The following SRGAP1 variants were observed in gnomAD, a reference collection of about 807,000 sequenced individuals.
SRGAP1 encodes SLIT-ROBO Rho GTPase activating protein 1.
Under a neutral mutation model 121.9 loss-of-function variants are expected in SRGAP1, and 43 were observed. The observed-to-expected ratio is 0.35, with a 90% confidence interval of 0.28 to 0.46. SRGAP1 has a LOEUF of 0.46. Among genes scored for constraint, SRGAP1 ranks in the 20% least tolerant of loss-of-function variants. The pLI is 1.00. For synonymous variants in SRGAP1, 447 were observed against 485.4 expected (o/e 0.92, Z 1.04); for missense variants, 1,102 against 1,350.9 (o/e 0.82, Z 2.89).
At chr12:63,933,585 A>G (rs2136341268) in intron 1 of SRGAP1, among the ~76,000 whole-genome samples, 1 of 152,326 alleles carries the variant, frequency 6.6e-6, no homozygotes, top group Admixed American at 6.5e-5. Context: ...ATCATATCTA[A>G]TAAATGCTAT....
At chr12:63,942,547 T>G (rs537848326) in intron 1 of SRGAP1, among the ~76,000 whole-genome samples, 84 of 152,304 alleles carry the variant, frequency 5.5e-4, no homozygotes, top group African/African-American at 1.8e-3. Flanking sequence ...GCCCAGGGAT[T>G]CTGTGGGGTG....
intron 4 of SRGAP1, among the ~76,000 whole-genome samples, chr12:64,038,380 T>A (rs1173057150): frequency 8.5e-5 from 13 of 152,106 alleles, no homozygotes; most frequent in African/African-American, 3.1e-4. Context: ...ATGACGACCT[T>A]GTAAAGTAAT....
chr12:63,990,230 C>T (rs777862998), intron 3 of SRGAP1, among the ~76,000 whole-genome samples, 158 bp downstream of exon 3: 6 of 152,050 alleles, frequency 3.9e-5, no homozygotes, highest in South Asian at 2.1e-4. Context: ...TTTAAAGACA[C>T]GGAATAAAGA....
At chr12:63,979,770 A>T (rs1411568877) in intron 1 of SRGAP1, among the ~76,000 whole-genome samples, 2 of 152,224 alleles carry the variant, frequency 1.3e-5, no homozygotes, top group African/African-American at 4.8e-5. Flanking sequence ...TCTAAAAAAA[A>T]TGATTCAGGT....
intron 3 of SRGAP1, among the ~76,000 whole-genome samples, chr12:63,994,499 G>A (rs2033638576): frequency 6.6e-6 from 1 of 152,146 alleles, no homozygotes; most frequent in Non-Finnish European, 1.5e-5. Flanking sequence ...GAGTATCCAA[G>A]TGAATGCACA....
At chr12:63,910,947 G>T (rs1281407083) in intron 1 of SRGAP1, among the ~76,000 whole-genome samples, 2 of 152,040 alleles carry the variant, frequency 1.3e-5, no homozygotes, top group African/African-American at 4.8e-5. Context: ...GAATAGAGGA[G>T]AAAGGAATAG....
chr12:63,958,848 G>A lies in SRGAP1; in HGVS notation c.68-25099G>A, dbSNP rs140925097. ...TATATTTAAACTCTAATTTTCCCTC[G>A]GTGTTCTTTTTCTGCCTTTGATTAA... is the stretch of plus-strand genomic sequence containing the variant. On this transcript the variant is annotated intron_variant, in intron 1 of 21. Transcript: ENST00000355086. 5.6e-3 allele frequency among the ~76,000 whole-genome samples: 847 copies of A among 152,184 alleles called. 9 individuals are homozygous for A. The highest frequency in any genetic ancestry group is 0.019 in the African/African-American group (787 of 41,492).
chr12:64,086,653 A>G (rs2035944782), intron 10 of SRGAP1, among the ~76,000 whole-genome samples: 1 of 149,078 alleles, frequency 6.7e-6, no homozygotes, highest in Admixed American at 6.8e-5. Context: ...TAAATCTTGG[A>G]TATGTCTTAT....
intron 18 of SRGAP1, 102 bp downstream of exon 18, chr12:64,115,995 C>G: frequency 9.0e-7 from 1 of 1,115,592 alleles, no homozygotes; most frequent in Non-Finnish European, 1.3e-6. Flanking sequence ...TGGCTCCTAC[C>G]TATAATCCCA....
intron 6 of SRGAP1, 169 bp downstream of exon 6, chr12:64,043,744 TG>T: frequency 2.0e-6 from 1 of 492,008 alleles, no homozygotes; most frequent in Non-Finnish European, 3.5e-6. Context: ...CACTATCATC[TG>T]TAAGATGCAT....
At chr12:63,882,800 T>G (rs565986026) in intron 1 of SRGAP1, among the ~76,000 whole-genome samples, 13 of 152,120 alleles carry the variant, frequency 8.5e-5, no homozygotes, top group Non-Finnish European at 1.9e-4. Flanking sequence ...GCAAACAGAG[T>G]CTCTTGGTTT....
chr12:63,852,194 G>A (rs1899098720), intron 1 of SRGAP1, among the ~76,000 whole-genome samples: 2 of 151,984 alleles, frequency 1.3e-5, no homozygotes, highest in African/African-American at 4.8e-5. Context: ...TGGCCATGTT[G>A]CCCAGGCTGG....
chr12:63,985,705 G>A (rs2033395262), intron 2 of SRGAP1, among the ~76,000 whole-genome samples: 1 of 152,274 alleles, frequency 6.6e-6, no homozygotes, highest in African/African-American at 2.4e-5. Flanking sequence ...GAGAAGATAA[G>A]GTCTGTGCCA....
intron 1 of SRGAP1, among the ~76,000 whole-genome samples, chr12:63,890,499 A>G (rs1900542730): frequency 6.6e-6 from 1 of 152,242 alleles, no homozygotes; most frequent in Non-Finnish European, 1.5e-5. Context: ...GTGGGAAGCT[A>G]GAAAAGCAGC....
At chr12:63,849,010 C>G (rs930311443) in intron 1 of SRGAP1, among the ~76,000 whole-genome samples, 2 of 152,104 alleles carry the variant, frequency 1.3e-5, no homozygotes, top group Admixed American at 1.3e-4. Context: ...AGTGGTTAAA[C>G]AGTGGATAGG....
Position 64,111,913 on chromosome 12 carries a change from G to A in SRGAP1, c.2071G>A (p.Glu691Lys). 1 of 1,614,044 alleles carries A rather than the reference G, an allele frequency of 6.2e-7. No individual in the cohort carries two copies. The highest frequency in any genetic ancestry group is 8.5e-7 in the Non-Finnish European group (1 of 1,179,988). Residue 691 changes from glutamate (E) to lysine (K), a missense_variant, in exon 17 of 22, where the codon GAG becomes AAG. Physicochemically the swap from Glu to Lys is moderately conservative, Grantham distance 56. Coordinates refer to ENST00000355086, the MANE Select transcript of SRGAP1 (RefSeq NM_020762.4). Reference sequence around the variant, plus strand: ...TATCAAAACCATCATCATCCACCATGAGACTATTTTCCCAGATGCTAAAGA... The same window carrying A: ...TATCAAAACCATCATCATCCACCATAAGACTATTTTCCCAGATGCTAAAGA... ...EIIKTIIIHH[E>K]TIFPDAKELD... is the part of the protein sequence containing the mutation.
chr12:63,872,427 C>T (rs1182906894), intron 1 of SRGAP1, among the ~76,000 whole-genome samples: 2 of 152,282 alleles, frequency 1.3e-5, no homozygotes, highest in East Asian at 1.9e-4. Flanking sequence ...CCTGTGGCCA[C>T]GGTCTAGTTG....
At chr12:63,875,076 T>C (rs1274093964) in intron 1 of SRGAP1, among the ~76,000 whole-genome samples, 3 of 152,132 alleles carry the variant, frequency 2.0e-5, no homozygotes, top group African/African-American at 7.2e-5. Flanking sequence ...CCACTGCACC[T>C]AGCTAACTTT....
chr12:64,067,621 A>T (rs1188982590), intron 8 of SRGAP1, among the ~76,000 whole-genome samples: 2 of 152,228 alleles, frequency 1.3e-5, no homozygotes, highest in Admixed American at 6.5e-5. Context: ...TAAGATTTCA[A>T]TTAGATTTTC....
Sources: allele counts gnomAD v4.1 joint callset (sites outside exome capture counted in the v4.1 genomes callset), GRCh38; gene constraint gnomAD v4.1.1; transcripts MANE v1.5; gene names NCBI Gene and HGNC (gene_info 2026-07-23, HGNC 2026-07-21).